The following SEMA3C variants were observed in gnomAD, a reference collection of about 807,000 sequenced individuals.
The protein encoded by SEMA3C is semaphorin-3C.
Under a neutral mutation model 89.4 loss-of-function variants are expected in SEMA3C, and 47 were observed. The ratio of observed to expected loss-of-function variants is 0.53; its 90% CI spans 0.42 to 0.67. The LOEUF (loss-of-function observed/expected upper bound fraction) is 0.67. Ranked by LOEUF, SEMA3C falls within the 30% of genes least tolerant of loss-of-function variation. The pLI is 0.00. For missense variants in SEMA3C, 839 were observed against 929.1 expected, an observed-to-expected ratio of 0.90 and a Z score of 1.26; for synonymous variants, 310 against 320.2, an observed-to-expected ratio of 0.97 and a Z score of 0.34.
intron 2 of SEMA3C, among the ~76,000 whole-genome samples, chr7:80,894,391 C>A (rs1023516694): frequency 1.3e-5 from 2 of 151,934 alleles, no homozygotes; most frequent in African/African-American, 4.8e-5. Flanking sequence ...CATGTCAATA[C>A]AATGTTCACT....
chr7:80,884,778 C>A (rs1265282782), intron 2 of SEMA3C, among the ~76,000 whole-genome samples: 1 of 152,140 alleles, frequency 6.6e-6, no homozygotes, highest in Non-Finnish European at 1.5e-5. Context: ...TTTATTACTG[C>A]TTTGATGTAC....
chr7:80,824,138 AG>A (rs1183733718), intron 4 of SEMA3C, among the ~76,000 whole-genome samples: 11 of 152,226 alleles, frequency 7.2e-5, no homozygotes. Context: ...TGAAGGATTA[AG>A]GGATGCTTAA....
At chr7:80,832,534 A>G (rs574341667) in intron 2 of SEMA3C, among the ~76,000 whole-genome samples, 2 of 152,312 alleles carry the variant, frequency 1.3e-5, no homozygotes, top group East Asian at 3.9e-4. Flanking sequence ...GGCCATATGA[A>G]CAACTTTAGC....
At chr7:80,758,863 G>T (rs577324827) in intron 14 of SEMA3C, among the ~76,000 whole-genome samples, 1 of 151,988 alleles carries the variant, frequency 6.6e-6, no homozygotes, top group South Asian at 2.1e-4. Flanking sequence ...TTTTCAAGTG[G>T]GGCAACACGT....
rs763038710 is a variant in SEMA3C, at chr7:80,827,528, G to C, written c.265-41C>G. 1.9e-5 allele frequency: 29 copies of C among 1,523,128 alleles called. 1 individual carries two copies. The Middle Eastern group carries it at 6.9e-4, about 36-fold the overall frequency. The allele number at this position is 1,523,128 out of a possible 1,614,324, so 94.4% of individuals were successfully genotyped here. A position where few individuals can be genotyped will look rare whatever the true frequency, so the allele number is the denominator to read the frequency against. ...AATAAAGGTTGCATAATCTCACCTG[G>C]ACATATGACAGCCCAGTGCTCTTCA... On this transcript the variant is annotated intron_variant, in intron 3 of 17. Transcript: ENST00000265361.
intron 2 of SEMA3C, among the ~76,000 whole-genome samples, chr7:80,914,324 A>C (rs534211253): frequency 1.6e-4 from 24 of 152,310 alleles, no homozygotes; most frequent in African/African-American, 5.5e-4. Context: ...CCTACTTGGT[A>C]CAATAGTCAA....
In SEMA3C at chr7:80,792,713, T is replaced by C. The variant is rs1033323138; in HGVS notation, c.1132-3185A>G. On this transcript the variant is annotated intron_variant, in intron 11 of 17. Transcript: ENST00000265361. ...ACTTTTTTTAATACTCCCATGAATTTATCACCTAGAAACAAGTGTCTCCTA... is the reference window on the plus strand; with the variant it reads ...ACTTTTTTTAATACTCCCATGAATTCATCACCTAGAAACAAGTGTCTCCTA... Among the ~76,000 whole-genome samples, 14 of 152,218 alleles carry C rather than the reference T, an allele frequency of 9.2e-5. No individual in the cohort carries two copies. In the East Asian group the frequency reaches 2.7e-3, roughly 29 times the overall value.
chr7:80,921,215 C>T (rs529156724), upstream of SEMA3C, among the ~76,000 whole-genome samples: 17 of 152,174 alleles, frequency 1.1e-4, no homozygotes, highest in African/African-American at 3.4e-4. Flanking sequence ...AAATTTGTGC[C>T]GAAATTCCCT....
rs149535710 is a variant in SEMA3C, at chr7:80,794,240, A to G, written c.1131+3852T>C. Among the ~76,000 whole-genome samples, 690 of 152,028 alleles carry G rather than the reference A, an allele frequency of 4.5e-3. 24 individuals are homozygous for G. The highest frequency in any genetic ancestry group is 0.041 in the Admixed American group (624 of 15,232). On this transcript the variant is annotated intron_variant, in intron 11 of 17. Transcript: ENST00000265361. ...TCCTTACTCAATTTATCCACGTCCA[A>G]TCACCCTAGGGCAAGCTCAATCTCA... is the stretch of plus-strand genomic sequence containing the variant.
chr7:80,802,779 T>G lies in SEMA3C; in HGVS notation c.802A>C (p.Asn268His). The G allele has an allele frequency of 6.2e-7, 1 of 1,604,922 alleles. No homozygotes were observed. The highest frequency in any genetic ancestry group is 2.2e-5 in the East Asian group (1 of 44,786). The change falls in exon 9 of 18, where the codon AAT (asparagine) becomes CAT (histidine). Residue 268 changes from asparagine (N) to histidine (H), a missense_variant and splice_region_variant. Physicochemically the swap from Asn to His is moderately conservative, Grantham distance 68. Coordinates refer to ENST00000265361, the MANE Select transcript of SEMA3C (RefSeq NM_006379.5). ...AGGCTACGCAGTCCACCAGTGTCAT[T>G]CTAAAACCATTTTGTAAACATAATT... ...IHSMIARICP[N>H]DTGGLRSLVN...
At chr7:80,786,537 G>A (rs962884872) in intron 12 of SEMA3C, among the ~76,000 whole-genome samples, 18 of 152,118 alleles carry the variant, frequency 1.2e-4, no homozygotes, top group Non-Finnish European at 2.1e-4. Flanking sequence ...AAATTAACAC[G>A]TAGCCTCAGG....
chr7:80,876,630 T>A (rs1253305283), intron 2 of SEMA3C, among the ~76,000 whole-genome samples: 1 of 152,256 alleles, frequency 6.6e-6, no homozygotes, highest in Non-Finnish European at 1.5e-5. Context: ...CCAAATTATT[T>A]AAGAAACAAT....
At chr7:80,747,877 C>G (rs191349201) in intron 17 of SEMA3C, among the ~76,000 whole-genome samples, 6 of 152,208 alleles carry the variant, frequency 3.9e-5, no homozygotes, top group Admixed American at 2.0e-4. Context: ...GAGGGACACA[C>G]AATTTCCTAA....
intron 12 of SEMA3C, 117 bp downstream of exon 12, chr7:80,789,189 A>T: frequency 1.3e-6 from 1 of 767,786 alleles, no homozygotes; most frequent in South Asian, 1.8e-5. Flanking sequence ...ACTAAGGGCT[A>T]GACAGACGTA....
intron 2 of SEMA3C, among the ~76,000 whole-genome samples, chr7:80,851,225 G>A (rs886483212): frequency 6.6e-6 from 1 of 151,754 alleles, no homozygotes; most frequent in Non-Finnish European, 1.5e-5. Context: ...GATGACATTC[G>A]GCCTGGCACG....
At chr7:80,787,304 A>G (rs1021068505) in intron 12 of SEMA3C, among the ~76,000 whole-genome samples, 1 of 151,436 alleles carries the variant, frequency 6.6e-6, no homozygotes, top group African/African-American at 2.4e-5. Context: ...AAGCAGGAGA[A>G]TATCTTGAAC....
chr7:80,751,649 TTTTAG>T (rs1787939283), intron 15 of SEMA3C, among the ~76,000 whole-genome samples: 1 of 152,174 alleles, frequency 6.6e-6, no homozygotes, highest in Non-Finnish European at 1.5e-5. Context: ...TAGTGTAAAT[TTTTAG>T]TTTAGAGAAA....
intron 12 of SEMA3C, among the ~76,000 whole-genome samples, chr7:80,773,706 A>C (rs775218396): frequency 6.6e-6 from 1 of 152,188 alleles, no homozygotes; most frequent in Non-Finnish European, 1.5e-5. Context: ...GTGGGGCAGC[A>C]GAAAGAAATC....
At chr7:80,776,490 A>G (rs1054715539) in intron 12 of SEMA3C, among the ~76,000 whole-genome samples, 18 of 152,202 alleles carry the variant, frequency 1.2e-4, no homozygotes, top group African/African-American at 4.1e-4. Flanking sequence ...CAAAGAAAAG[A>G]GCCTACGTGA....
Sources: gnomAD v4.1 joint callset for allele counts (sites outside exome capture counted in the v4.1 genomes callset) on GRCh38, gnomAD v4.1.1 for gene constraint, MANE v1.5 for transcripts, NCBI Gene and HGNC (gene_info 2026-07-23, HGNC 2026-07-21) for gene names.